Variants in ADGRL3 observed in about 807,000 individuals in gnomAD.
The protein encoded by ADGRL3 is calcium-independent alpha-latrotoxin receptor 3.
In ADGRL3, 62 loss-of-function variants were observed where a neutral mutation model predicts 153.5. The ratio of observed to expected loss-of-function variants is 0.40; its 90% confidence interval spans 0.33 to 0.50. The LOEUF (loss-of-function observed/expected upper bound fraction) is 0.50, where lower values mean the gene tolerates loss of function less well. ADGRL3 is among the 20% of genes least tolerant of loss of function. The pLI, the probability that ADGRL3 is intolerant of heterozygous loss-of-function variation, is 0.47. For synonymous variants in ADGRL3, 710 were observed against 672.5 expected, an observed-to-expected ratio of 1.06 and a Z score of -0.86; for missense variants, 1,641 against 1,859.4, an observed-to-expected ratio of 0.88 and a Z score of 2.16.
intron 2 of ADGRL3, among the ~76,000 whole-genome samples, chr4:61,421,967 A>G (rs1008089719): frequency 6.6e-6 from 1 of 152,290 alleles, no homozygotes; most frequent in African/African-American, 2.4e-5. Context: ...CTATTCATCT[A>G]TTCATCCTTG....
At chr4:61,552,725 T>G (rs528292316) in intron 4 of ADGRL3, among the ~76,000 whole-genome samples, 1 of 152,278 alleles carries the variant, frequency 6.6e-6, no homozygotes, top group East Asian at 1.9e-4. Flanking sequence ...TGTCTTGGCC[T>G]CCCAAGATGC....
intron 9 of ADGRL3, among the ~76,000 whole-genome samples, chr4:61,817,273 AGGG>A (rs1343334916): frequency 7.2e-5 from 11 of 152,150 alleles, no homozygotes. Context: ...CTTTCAAGGC[AGGG>A]ATGGCCTGAA....
chr4:61,838,301 C>T (rs774610742), intron 9 of ADGRL3, among the ~76,000 whole-genome samples: 6 of 152,106 alleles, frequency 3.9e-5, no homozygotes, highest in Non-Finnish European at 7.4e-5. Context: ...CTGAAAAACA[C>T]AGCTATTTTA....
intron 1 of ADGRL3, among the ~76,000 whole-genome samples, chr4:61,296,787 C>T (rs2150264796): frequency 6.6e-6 from 1 of 152,168 alleles, no homozygotes; most frequent in Middle Eastern, 3.4e-3. Context: ...TTACACAAAG[C>T]TAAACACCTT....
At chr4:62,027,709 A>T (rs1719548514) in intron 21 of ADGRL3, among the ~76,000 whole-genome samples, 1 of 151,938 alleles carries the variant, frequency 6.6e-6, no homozygotes, top group Admixed American at 6.6e-5. Context: ...GTCTAATAAT[A>T]ATAACCGTAT....
At chr4:61,351,773 G>A (rs1005710743) in intron 1 of ADGRL3, among the ~76,000 whole-genome samples, 2 of 151,946 alleles carry the variant, frequency 1.3e-5, no homozygotes, top group Non-Finnish European at 2.9e-5. Context: ...AAAAGAAAAA[G>A]AAGAAAAAAT....
intron 11 of ADGRL3, among the ~76,000 whole-genome samples, chr4:61,905,425 A>G (rs187680759): frequency 8.1e-4 from 124 of 152,328 alleles, no homozygotes; most frequent in African/African-American, 2.7e-3. Context: ...AAGTACATTC[A>G]TGACCCACCA....
At chr4:61,774,069 G>T (rs2097116977) in intron 8 of ADGRL3, among the ~76,000 whole-genome samples, 1 of 152,018 alleles carries the variant, frequency 6.6e-6, no homozygotes, top group Non-Finnish European at 1.5e-5. Context: ...AAATATTCAG[G>T]AAACAGGCCG....
intron 2 of ADGRL3, among the ~76,000 whole-genome samples, chr4:61,387,767 A>G (rs934151969): frequency 6.6e-6 from 1 of 152,060 alleles, no homozygotes; most frequent in African/African-American, 2.4e-5. Context: ...TTGTGCAGTT[A>G]ATGCAATTAT....
At chr4:61,752,709 G>T (rs1561184091) in intron 8 of ADGRL3, among the ~76,000 whole-genome samples, 2 of 152,142 alleles carry the variant, frequency 1.3e-5, no homozygotes, top group Admixed American at 6.5e-5. Flanking sequence ...GAGGTAGGTG[G>T]ATTGCTTGAG....
At chr4:61,834,039 T>C (rs565196348) in intron 9 of ADGRL3, among the ~76,000 whole-genome samples, 79 of 151,076 alleles carry the variant, frequency 5.2e-4, no homozygotes, top group African/African-American at 1.9e-3. Flanking sequence ...TATGTATACA[T>C]GTGCCATGTT....
intron 1 of ADGRL3, among the ~76,000 whole-genome samples, chr4:61,346,370 T>A (rs1047319355): frequency 6.6e-6 from 1 of 150,624 alleles, no homozygotes; most frequent in Admixed American, 6.6e-5. Flanking sequence ...ATGGCTTGTA[T>A]GGGGGAGAAA....
At chr4:61,896,638 T>C (rs550538808) in intron 11 of ADGRL3, among the ~76,000 whole-genome samples, 1 of 152,318 alleles carries the variant, frequency 6.6e-6, no homozygotes, top group South Asian at 2.1e-4. Flanking sequence ...CATAAATATC[T>C]ACCCAGTAGA....
chr4:61,354,273 C>T (rs1264916857), intron 1 of ADGRL3, among the ~76,000 whole-genome samples: 1 of 152,272 alleles, frequency 6.6e-6, no homozygotes, highest in African/African-American at 2.4e-5. Flanking sequence ...TGCAATGTAG[C>T]TGTGTTGCTC....
At position 62,071,772 on chromosome 4, in the gene ADGRL3, A is replaced by C; in HGVS notation, c.*864A>C. The C allele has an allele frequency of 2.5e-6, 1 of 405,662 alleles. No individual in the cohort carries two copies. The highest frequency in any genetic ancestry group is 4.8e-6 in the Non-Finnish European group (1 of 210,144). The allele number at this position is 405,662 out of a possible 1,614,324, so 25.1% of individuals were successfully genotyped here. On this transcript the variant is annotated 3_prime_UTR_variant, in exon 27 of 27. Coordinates refer to ENST00000683033, the MANE Select transcript of ADGRL3 (RefSeq NM_001387552.1). The stretch of plus-strand genomic sequence containing the variant: ...TCTTTTTTGCCTTTTATTCCTTTAA[A>C]ATTTCGCCTGGCAAAAAATAAATAA...
intron 1 of ADGRL3, among the ~76,000 whole-genome samples, chr4:61,335,114 G>A (rs938199602): frequency 1.3e-4 from 20 of 151,944 alleles, no homozygotes; most frequent in African/African-American, 4.8e-4. Flanking sequence ...AATAGAACTG[G>A]TTTATTAAAA....
At chr4:61,780,502 C>T (rs2097202113) in intron 8 of ADGRL3, among the ~76,000 whole-genome samples, 1 of 152,100 alleles carries the variant, frequency 6.6e-6, no homozygotes. Context: ...TGGGCAATAC[C>T]TTGGATTTCC....
At chr4:62,044,765 G>C (rs1730205891) in intron 25 of ADGRL3, among the ~76,000 whole-genome samples, 1 of 151,934 alleles carries the variant, frequency 6.6e-6, no homozygotes, top group Non-Finnish European at 1.5e-5. Flanking sequence ...AAGGAAATTA[G>C]AAAATAAAAA....
chr4:62,028,594 T>G (rs994609473), intron 21 of ADGRL3, among the ~76,000 whole-genome samples: 2 of 151,836 alleles, frequency 1.3e-5, no homozygotes, highest in Non-Finnish European at 2.9e-5. Context: ...AAGTCACAAG[T>G]AATATGAGCA....
Sources: allele counts gnomAD v4.1 joint callset (sites outside exome capture counted in the v4.1 genomes callset), GRCh38; gene constraint gnomAD v4.1.1; transcripts MANE v1.5; gene names NCBI Gene and HGNC (gene_info 2026-07-23, HGNC 2026-07-21).